LINGO2: variants seen among roughly 807,000 people sequenced by gnomAD.
LINGO2 encodes the protein leucine-rich repeat and immunoglobulin-like domain-containing nogo receptor-interacting protein 2.
In LINGO2, 14 loss-of-function variants were observed where a neutral mutation model predicts 30.6. That is an observed-to-expected ratio of 0.46 (90% CI 0.30 to 0.72). LINGO2 has a LOEUF of 0.72. LINGO2 is among the 30% of genes least tolerant of loss of function. LINGO2 has a pLI of 0.07. For missense variants in LINGO2, 729 were observed against 751.7 expected (o/e 0.97, Z 0.35); for synonymous variants, 317 against 288.5 (o/e 1.10, Z -1.00).
intron 4 of LINGO2, among the ~76,000 whole-genome samples, chr9:28,291,010 T>A (rs183748849): frequency 5.3e-5 from 8 of 152,276 alleles, no homozygotes; most frequent in Middle Eastern, 3.4e-3. Context: ...GGAAAAACCC[T>A]GCACTGACTC....
chr9:29,199,980 T>C, the LINGO2 span, among the ~76,000 whole-genome samples: 2 of 152,018 alleles, frequency 1.3e-5, no homozygotes, highest in Non-Finnish European at 2.9e-5. Context: ...TAACGAAAAC[T>C]ATCAGAATGC....
At position 28,270,256 on chromosome 9, in the gene LINGO2, T is replaced by C. The variant is rs575569185; in HGVS notation, c.-87+24952A>G. 5.9e-5 allele frequency among the ~76,000 whole-genome samples: 9 copies of C among 152,110 alleles called. 1 individual carries two copies. Among genetic ancestry groups the C allele is most frequent in the Non-Finnish European group, 8.8e-5 (6 of 67,976 alleles). On this transcript the variant is annotated intron_variant, in intron 4 of 5. Transcript: ENST00000379992. ...CCCCTTCAGTCAGCCTGTGGGGTGA[T>C]AGAAATATGGGAGCTGAGCCTATCA...
chr9:29,109,616 T>C, the LINGO2 span, among the ~76,000 whole-genome samples: 2 of 152,220 alleles, frequency 1.3e-5, no homozygotes, highest in African/African-American at 2.4e-5. Context: ...ACTTTCATAC[T>C]GTACAGGGTA....
intron 2 of LINGO2, among the ~76,000 whole-genome samples, chr9:28,423,370 G>T (rs10812818): frequency 5.9e-5 from 9 of 151,758 alleles, no homozygotes; most frequent in Non-Finnish European, 1.3e-4. Flanking sequence ...AACAGTAAAC[G>T]ATTTAGAACT....
At chr9:28,934,775 T>C in the LINGO2 span, among the ~76,000 whole-genome samples, 19 of 152,310 alleles carry the variant, frequency 1.2e-4, no homozygotes, top group South Asian at 1.0e-3. Flanking sequence ...ATGATATTTG[T>C]ATGTCTTAAT....
At chr9:28,790,280 T>C in the LINGO2 span, among the ~76,000 whole-genome samples, 1 of 150,864 alleles carries the variant, frequency 6.6e-6, no homozygotes, top group Non-Finnish European at 1.5e-5. Flanking sequence ...TCACAATGCC[T>C]ACATCATTCA....
chr9:28,259,351 TC>T (rs1717655058), intron 4 of LINGO2, among the ~76,000 whole-genome samples: 1 of 152,048 alleles, frequency 6.6e-6, no homozygotes. Flanking sequence ...AATGTTTTTT[TC>T]TTCTTCTCTT....
At chr9:28,036,658 T>G (rs1823950745) in intron 4 of LINGO2, among the ~76,000 whole-genome samples, 1 of 152,188 alleles carries the variant, frequency 6.6e-6, no homozygotes, top group African/African-American at 2.4e-5. Flanking sequence ...TGGTGCAACC[T>G]AACCTGAGTT....
chr9:28,333,755 T>TAC (rs1295619222), intron 3 of LINGO2, among the ~76,000 whole-genome samples: 4 of 152,192 alleles, frequency 2.6e-5, no homozygotes, highest in African/African-American at 9.6e-5. Context: ...TTAAAAGTCA[T>TAC]ACAACTACTA....
At chr9:28,957,957 G>A in the LINGO2 span, among the ~76,000 whole-genome samples, 1 of 152,116 alleles carries the variant, frequency 6.6e-6, no homozygotes, top group African/African-American at 2.4e-5. Context: ...CTGTTAACAT[G>A]TCCATTTTAT....
chr9:29,161,627 A>T, the LINGO2 span, among the ~76,000 whole-genome samples: 2 of 152,154 alleles, frequency 1.3e-5, no homozygotes, highest in African/African-American at 2.4e-5. Flanking sequence ...AATAGGTAGG[A>T]GGTAGAGCCT....
At chr9:28,010,508 A>C (rs1363974383) in intron 5 of LINGO2, among the ~76,000 whole-genome samples, 1 of 152,186 alleles carries the variant, frequency 6.6e-6, no homozygotes, top group Non-Finnish European at 1.5e-5. Context: ...TATAAAGCAG[A>C]GAAAAGCCCT....
Position 28,590,778 on chromosome 9 carries a change from T to C in LINGO2, c.-365+79422A>G, listed in dbSNP as rs568589367. Among the ~76,000 whole-genome samples the C allele has an allele frequency of 2.4e-3, 369 of 152,206 alleles. 1 individual carries two copies. The highest frequency in any genetic ancestry group is 8.7e-3 in the African/African-American group (361 of 41,542). ...TTCCTCAGGGATCTAGAACTAGAAA[T>C]ACCATTTGACCCAGCCATCCCATTA... On this transcript the variant is annotated intron_variant, in intron 1 of 5. Coordinates refer to ENST00000379992, the Ensembl canonical transcript of LINGO2.
At chr9:29,005,376 A>G in the LINGO2 span, among the ~76,000 whole-genome samples, 2 of 151,894 alleles carry the variant, frequency 1.3e-5, no homozygotes, top group Non-Finnish European at 2.9e-5. Context: ...AGATTAATAG[A>G]AAAATATATA....
the LINGO2 span, among the ~76,000 whole-genome samples, chr9:28,839,648 A>T: frequency 6.6e-6 from 1 of 152,006 alleles, no homozygotes; most frequent in Non-Finnish European, 1.5e-5. Flanking sequence ...GGGTTTTTAC[A>T]TGCTTCAGAG....
At chr9:29,000,807 T>C in the LINGO2 span, among the ~76,000 whole-genome samples, 8 of 151,988 alleles carry the variant, frequency 5.3e-5, no homozygotes, top group Non-Finnish European at 8.8e-5. Flanking sequence ...GTGCCTGCTG[T>C]GCAAAGACTC....
chr9:28,063,167 A>C (rs572248120), intron 4 of LINGO2, among the ~76,000 whole-genome samples: 4 of 152,106 alleles, frequency 2.6e-5, no homozygotes, highest in Non-Finnish European at 5.9e-5. Context: ...AGCTGGGAAC[A>C]ATTCATACTT....
intron 3 of LINGO2, among the ~76,000 whole-genome samples, chr9:28,324,960 C>G (rs1277526933): frequency 2.0e-5 from 3 of 152,068 alleles, no homozygotes; most frequent in Non-Finnish European, 4.4e-5. Flanking sequence ...GTAACATAGT[C>G]AGTACCAGGT....
the LINGO2 span, among the ~76,000 whole-genome samples, chr9:29,106,099 G>A: frequency 6.6e-6 from 1 of 152,058 alleles, no homozygotes; most frequent in African/African-American, 2.4e-5. Flanking sequence ...TTGGCAATTT[G>A]TTATGCAGCA....
Sources: gnomAD v4.1 joint callset for allele counts (sites outside exome capture counted in the v4.1 genomes callset) on GRCh38, gnomAD v4.1.1 for gene constraint, MANE v1.5 for transcripts, NCBI Gene and HGNC (gene_info 2026-07-23, HGNC 2026-07-21) for gene names.